Variants in SOX30 observed in about 807,000 individuals in gnomAD.
SOX30 encodes transcription factor SOX-30.
SOX30 carries 17 observed loss-of-function variants against 58.6 expected under a neutral mutation model. The ratio of observed to expected loss-of-function variants is 0.29; its 90% CI spans 0.20 to 0.44. SOX30 has a LOEUF of 0.44. SOX30 is among the 20% of genes least tolerant of loss of function. The pLI is 1.00. For synonymous variants in SOX30, 421 were observed against 400.2 expected, an observed-to-expected ratio of 1.05 and a Z score of -0.62; for missense variants, 951 against 965.8, an observed-to-expected ratio of 0.98 and a Z score of 0.20.
At chr5:157,648,998 T>C in intron 1 of SOX30, 102 bp from the exon 2 acceptor site, 1 of 1,438,434 alleles carries the variant, frequency 7.0e-7, no homozygotes. Context: ...TTTTGAAATA[T>C]CTGGAGGAAA....
chr5:157,647,470 CCTCA>C (rs72241882), intron 2 of SOX30, among the ~76,000 whole-genome samples: 25,266 of 152,016 alleles, frequency 0.17, 2,405 homozygotes, highest in African/African-American at 0.27. Context: ...TCAAATAATG[CCTCA>C]CTATGACATT....
At chr5:157,646,379 A>G (rs1014093932) in intron 3 of SOX30, among the ~76,000 whole-genome samples, 1 of 152,170 alleles carries the variant, frequency 6.6e-6, no homozygotes, top group Non-Finnish European at 1.5e-5. Flanking sequence ...TTATCTGCCT[A>G]ATCTATGGGC....
chr5:157,651,339 G>A lies in SOX30; in HGVS notation c.740C>T (p.Thr247Met), dbSNP rs555036178. The change falls in exon 1 of 5, where the codon ACG becomes ATG. Residue 247 changes from threonine to methionine, a missense_variant. By Grantham distance (81) the Thr-to-Met change is moderately conservative (BLOSUM62 -1). Around this residue, in one of 7 missense-constraint regions of SOX30, gnomAD observed 84 missense variants for 68.2 expected, o/e 1.23. Coordinates refer to ENST00000265007, the MANE Select transcript of SOX30 (RefSeq NM_178424.2). Reference sequence around the variant, plus strand: ...CTGGTGCGGCCCAAAGGCACCGGACGTTGGGGCCAAGATGACCTCCGCGCT... The same window carrying A: ...CTGGTGCGGCCCAAAGGCACCGGACATTGGGGCCAAGATGACCTCCGCGCT... The part of the protein sequence containing the change: ...HGSAEVILAP[T>M]SGAFGPHQQD... 5.0e-6 allele frequency: 8 copies of A among 1,614,004 alleles called. No homozygotes were observed. In the East Asian group the frequency reaches 1.3e-4, roughly 27 times the overall value.
chr5:157,650,096 C>G (rs2113848823), intron 1 of SOX30, among the ~76,000 whole-genome samples: 1 of 152,188 alleles, frequency 6.6e-6, no homozygotes. Flanking sequence ...AGGAAGTTAT[C>G]TAAATTCACA....
chr5:157,634,669 T>C (rs981889884), intron 4 of SOX30, among the ~76,000 whole-genome samples: 2 of 151,790 alleles, frequency 1.3e-5, no homozygotes, highest in East Asian at 1.9e-4. Flanking sequence ...GAAATATATA[T>C]ATAGTTTCAC....
chr5:157,659,086 T>C (rs987973138), intron 2 of SOX30, among the ~76,000 whole-genome samples: 2 of 152,210 alleles, frequency 1.3e-5, no homozygotes, highest in African/African-American at 4.8e-5. Flanking sequence ...GCATGAATAA[T>C]TCACCCCTTG....
At position 157,651,896 on chromosome 5, in the gene SOX30, G is replaced by A. The variant is rs750617820; in HGVS notation, c.183C>T (p.Ser61=). 6 of 1,533,892 alleles carry A rather than the reference G, an allele frequency of 3.9e-6. No individual in the cohort carries two copies. Among genetic ancestry groups the A allele is most frequent in the Non-Finnish European group, 4.4e-6 (5 of 1,144,848 alleles). Residue 61 remains serine, a synonymous_variant, in exon 1 of 5, where the codon TCC becomes TCT. Transcript: ENST00000265007. ...GCCGCCGCACCGCGGGCTGTAAGCC[G>A]GACGCCACTGCCTCCCCGCACGACG... ...LASSCGEAVA[S]GLQPAVRRLL... is the part of the protein sequence containing the mutation.
intron 2 of SOX30, among the ~76,000 whole-genome samples, chr5:157,665,310 A>C (rs1759648804): frequency 6.6e-6 from 1 of 152,204 alleles, no homozygotes. Flanking sequence ...GACATGGATG[A>C]AGCTGGAAAC....
Position 157,648,863 on chromosome 5 carries a change from T to C in SOX30, c.1001A>G (p.Asn334Ser). ...GTTCATGGGTCGCTTCACATGACCA[T>C]TTCTGTCCTTACTGAAGGGAGTATC... ...IPDTPFSKDR[N>S]GHVKRPMNAF... Residue 334 changes from asparagine to serine, a missense_variant, in exon 2 of 5, where the codon AAT (asparagine) becomes AGT (serine). Physicochemically the swap from Asn to Ser is conservative, Grantham distance 46. Around this residue, in one of 7 missense-constraint regions of SOX30, gnomAD observed 60 missense variants for 74.0 expected, o/e 0.81. Coordinates refer to ENST00000265007, the MANE Select transcript of SOX30 (RefSeq NM_178424.2). 2 of 1,611,438 alleles carry C rather than the reference T, an allele frequency of 1.2e-6. No homozygotes were observed. The highest frequency in any genetic ancestry group is 1.7e-6 in the Non-Finnish European group (2 of 1,179,592).
At chr5:157,632,077 G>C (rs374320565) in intron 4 of SOX30, among the ~76,000 whole-genome samples, 1 of 75,456 alleles carries the variant, frequency 1.3e-5, no homozygotes, top group African/African-American at 5.1e-5. Context: ...AAAAAAAAAA[G>C]AATTTTTAGT....
Position 157,651,539 on chromosome 5 carries a change from C to T in SOX30, c.540G>A (p.Gly180=). 1 of 1,613,350 alleles carries T rather than the reference C, an allele frequency of 6.2e-7. No individual in the cohort carries two copies. Among genetic ancestry groups the T allele is most frequent in the South Asian group, 1.1e-5 (1 of 91,086 alleles). ...GPGPALGYFR[G]DEKGKLEAEE... ...CCGCCTCCAGCTTGCCCTTCTCGTC[C>T]CCTCGGAAGTAGCCGAGGGCCGGCC... Residue 180 remains glycine, a synonymous_variant, in exon 1 of 5, where the codon GGG becomes GGA. Coordinates refer to ENST00000265007, the MANE Select transcript of SOX30 (RefSeq NM_178424.2).
At chr5:157,636,904 G>A (rs1427040453) in intron 4 of SOX30, among the ~76,000 whole-genome samples, 1 of 152,130 alleles carries the variant, frequency 6.6e-6, no homozygotes, top group African/African-American at 2.4e-5. Flanking sequence ...GAGATGGGCA[G>A]ATTATCTGAG....
At chr5:157,669,180 T>C (rs553540698) in intron 1 of SOX30, among the ~76,000 whole-genome samples, 131 of 152,120 alleles carry the variant, frequency 8.6e-4, no homozygotes, top group African/African-American at 2.9e-3. Flanking sequence ...GGTGCTGGGA[T>C]TGGGGAGGGA....
At chr5:157,642,125 G>C (rs879409676) in intron 3 of SOX30, among the ~76,000 whole-genome samples, 5 of 152,080 alleles carry the variant, frequency 3.3e-5, no homozygotes, top group Non-Finnish European at 5.9e-5. Context: ...AGACCAGCCT[G>C]GCCAATGTTG....
Position 157,646,772 on chromosome 5 carries a change from G to A in SOX30, c.1252C>T (p.Leu418=), listed in dbSNP as rs988761804. The change falls in exon 3 of 5, where the codon CTA becomes TTA. Residue 418 remains leucine, a synonymous_variant. Transcript: ENST00000265007. The part of the protein sequence containing the change: ...PRPGKRKRFP[L]SVSNVFSGTT... ...CCAGAAAATACATTGGAAACACTTAGAGGGAATCGTTTTCGCTTCCCTGGA... is the reference window on the plus strand; with the variant it reads ...CCAGAAAATACATTGGAAACACTTAAAGGGAATCGTTTTCGCTTCCCTGGA... 1 of 1,614,094 alleles carries A rather than the reference G, an allele frequency of 6.2e-7. No homozygotes were observed. The highest frequency in any genetic ancestry group is 2.2e-5 in the East Asian group (1 of 44,874).
chr5:157,661,110 G>T (rs1010415067), intron 2 of SOX30, among the ~76,000 whole-genome samples: 1 of 152,108 alleles, frequency 6.6e-6, no homozygotes, highest in Non-Finnish European at 1.5e-5. Context: ...GTTGTATGTT[G>T]ATTTTTGTAT....
intron 2 of SOX30, among the ~76,000 whole-genome samples, chr5:157,666,016 G>C (rs921404330): frequency 1.3e-5 from 2 of 151,020 alleles, no homozygotes; most frequent in African/African-American, 4.9e-5. Context: ...AAGCCACTTA[G>C]TTATTGGGAG....
chr5:157,645,218 C>A (rs986360982), intron 3 of SOX30, among the ~76,000 whole-genome samples: 1 of 152,042 alleles, frequency 6.6e-6, no homozygotes, highest in East Asian at 1.9e-4. Flanking sequence ...TAAAAAACAA[C>A]AACAACAACA....
rs192433535 is a variant in SOX30 at position 157,644,133 on chromosome 5, G to T, written c.1387+2504C>A. 6.1e-4 allele frequency among the ~76,000 whole-genome samples: 92 copies of T among 151,670 alleles called. No individual in the cohort carries two copies. The East Asian group carries it at 0.017, about 28-fold the overall frequency. ...TTATGCTTATAAGATAATGTTCTCT[G>T]TTTATCTTTTGAGATGCAAGAAACA... On this transcript the variant is annotated intron_variant, in intron 3 of 4. Transcript: ENST00000265007.
Sources: gnomAD v4.1 joint callset for allele counts (sites outside exome capture counted in the v4.1 genomes callset) on GRCh38, gnomAD v4.1.1 for gene constraint, gnomAD v4.1.1 regional missense constraint, MANE v1.5 for transcripts, NCBI Gene and HGNC (gene_info 2026-07-23, HGNC 2026-07-21) for gene names.